Variants in RGS22 observed in about 807,000 individuals in gnomAD.
The protein encoded by RGS22 is regulator of G-protein signaling 22.
RGS22 carries 148 observed loss-of-function variants against 172.9 expected under a neutral mutation model. That is an observed-to-expected ratio of 0.86 (90% CI 0.75 to 0.98). The LOEUF is 0.98. RGS22 is among the 50% of genes least tolerant of loss of function. RGS22 has a pLI of 0.00. For synonymous variants in RGS22, 458 were observed against 480.2 expected, an observed-to-expected ratio of 0.95 and a Z score of 0.60; for missense variants, 1,347 against 1,440.8, an observed-to-expected ratio of 0.93 and a Z score of 1.05.
intron 14 of RGS22, among the ~76,000 whole-genome samples, chr8:100,032,403 A>T (rs1818919581): frequency 6.6e-6 from 1 of 152,150 alleles, no homozygotes; most frequent in South Asian, 2.1e-4. Flanking sequence ...ACCAACAAAG[A>T]TCAAAAGAGA....
At chr8:99,977,656 G>T (rs1005331692) in intron 23 of RGS22, among the ~76,000 whole-genome samples, 1 of 152,104 alleles carries the variant, frequency 6.6e-6, no homozygotes, top group African/African-American at 2.4e-5. Context: ...TCTACAAGGT[G>T]GAGGAACGTT....
intron 24 of RGS22, among the ~76,000 whole-genome samples, chr8:99,963,871 C>T (rs1433130673): frequency 6.6e-6 from 1 of 152,162 alleles, no homozygotes; most frequent in African/African-American, 2.4e-5. Context: ...AGGGCATCTA[C>T]ATTTACAAAA....
Position 100,095,690 on chromosome 8 carries a change from T to C in RGS22, c.55-2181A>G, listed in dbSNP as rs76224699. Among the ~76,000 whole-genome samples, 1,160 of 152,338 alleles carry C rather than the reference T, an allele frequency of 7.6e-3. 12 individuals carry two copies. Among genetic ancestry groups the C allele is most frequent in the African/African-American group, 0.027 (1,102 of 41,576 alleles). The stretch of plus-strand genomic sequence containing the variant: ...CTCAGCTCATCTCACTACAGACTGA[T>C]AAGAGTTCTCAGGTGGCAGCAGTAG... On this transcript the variant is annotated intron_variant, in intron 2 of 27. Transcript: ENST00000360863.
rs577230739 is a variant in RGS22 at position 100,058,183 on chromosome 8, A to C, written c.1514+4408T>G. ...TACACAGAGGAGACAAAAAAAAAAA[A>C]AAACAACAACAATAAAGCATGCCTA... On this transcript the variant is annotated intron_variant, in intron 9 of 27. Coordinates refer to ENST00000360863, the MANE Select transcript of RGS22 (RefSeq NM_015668.5). Among the ~76,000 whole-genome samples the C allele has an allele frequency of 1.4e-4, 22 of 151,918 alleles. No individual in the cohort carries two copies. The East Asian group carries it at 4.3e-3, about 29-fold the overall frequency.
At chr8:99,979,840 C>T (rs768237909) in intron 22 of RGS22, among the ~76,000 whole-genome samples, 29 of 152,164 alleles carry the variant, frequency 1.9e-4, no homozygotes, top group Non-Finnish European at 3.8e-4. Flanking sequence ...AGGTTACAGT[C>T]TAATGGGAAA....
intron 14 of RGS22, among the ~76,000 whole-genome samples, chr8:100,018,932 C>T (rs1486419355): frequency 6.6e-6 from 1 of 151,622 alleles, no homozygotes; most frequent in African/African-American, 2.4e-5. Flanking sequence ...GATAAACATA[C>T]CTGAGAAATG....
chr8:100,058,171 CAA>C (rs71512460), intron 9 of RGS22, among the ~76,000 whole-genome samples: 10 of 56,110 alleles, frequency 1.8e-4, no homozygotes, highest in African/African-American at 4.0e-4. Context: ...ACAGAGGAGA[CAA>C]AAAAAAAAAA....
At chr8:100,078,218 T>C (rs1811497694) in intron 4 of RGS22, among the ~76,000 whole-genome samples, 1 of 152,014 alleles carries the variant, frequency 6.6e-6, no homozygotes, top group Non-Finnish European at 1.5e-5. Flanking sequence ...TTAAATATCA[T>C]GTAATTATTG....
At chr8:99,964,337 C>T (rs1810504284) in intron 24 of RGS22, among the ~76,000 whole-genome samples, 1 of 151,834 alleles carries the variant, frequency 6.6e-6, no homozygotes, top group Non-Finnish European at 1.5e-5. Flanking sequence ...GCCTGTAGTC[C>T]CAGCTACTTG....
chr8:100,029,305 T>C (rs1818512966), intron 14 of RGS22, among the ~76,000 whole-genome samples: 1 of 152,164 alleles, frequency 6.6e-6, no homozygotes, highest in South Asian at 2.1e-4. Flanking sequence ...TGATGTGTGT[T>C]GCTTTAAGTC....
intron 14 of RGS22, among the ~76,000 whole-genome samples, chr8:100,035,222 A>G (rs1819309390): frequency 6.6e-6 from 1 of 152,224 alleles, no homozygotes; most frequent in South Asian, 2.1e-4. Flanking sequence ...ACAAAGGGCT[A>G]ATATCCAGAA....
rs919462516 is a variant in RGS22 at position 100,047,329 on chromosome 8, A to C, written c.1823+134T>G. Reference sequence around the variant, plus strand: ...TATTCATGCAAAGTATAAGCCTCTAATACATATCATTGAAAATTAAGAACC... The same window carrying C: ...TATTCATGCAAAGTATAAGCCTCTACTACATATCATTGAAAATTAAGAACC... On this transcript the variant is annotated intron_variant, in intron 11 of 27. Transcript: ENST00000360863. 12 of 728,550 alleles carry C rather than the reference A, an allele frequency of 1.6e-5. No individual in the cohort carries two copies. In the Admixed American group the frequency reaches 3.9e-4, roughly 24 times the overall value. The allele number at this position is 728,550 out of a possible 1,614,324, so 45.1% of individuals were successfully genotyped here. A position where few individuals can be genotyped will look rare whatever the true frequency, so the allele number is the denominator to read the frequency against.
intron 21 of RGS22, among the ~76,000 whole-genome samples, chr8:99,984,674 T>G (rs988030): frequency 0.099 from 15,058 of 152,106 alleles, 975 homozygotes; most frequent in African/African-American, 0.18. Flanking sequence ...TGATACTATA[T>G]GCTCTAACAG....
chr8:100,006,955 C>T (rs1194484637), intron 15 of RGS22, among the ~76,000 whole-genome samples: 1 of 151,734 alleles, frequency 6.6e-6, no homozygotes. Flanking sequence ...ACCATTGCAC[C>T]CTCTACGGCA....
chr8:100,084,128 C>T (rs564961408), intron 3 of RGS22, among the ~76,000 whole-genome samples: 4 of 152,278 alleles, frequency 2.6e-5, no homozygotes, highest in East Asian at 1.9e-4. Flanking sequence ...TGAGCCACCA[C>T]GCCCGGCCAC....
intron 1 of RGS22, 60 bp downstream of exon 1, chr8:100,105,837 C>G (rs946370835): frequency 2.1e-6 from 3 of 1,405,582 alleles, no homozygotes; most frequent in Admixed American, 4.8e-5. Context: ...CAGAGGCTGG[C>G]GCGTGGTGCG....
At chr8:99,978,339 T>C (rs1420147163) in intron 22 of RGS22, among the ~76,000 whole-genome samples, 3 of 152,150 alleles carry the variant, frequency 2.0e-5, no homozygotes, top group African/African-American at 7.2e-5. Context: ...CCCTAACCAA[T>C]TGATTGTATT....
intron 19 of RGS22, 105 bp downstream of exon 19, chr8:99,999,156 CT>C: frequency 1.0e-6 from 1 of 959,820 alleles, no homozygotes; most frequent in African/African-American, 1.7e-5. Flanking sequence ...GAGCCCATTC[CT>C]TAAAAAAAAA....
At position 99,982,214 on chromosome 8, in the gene RGS22, C is replaced by T. The variant is rs1812627918; in HGVS notation, c.3181-98G>A. The stretch of plus-strand genomic sequence containing the variant: ...TGTGTTTCAATTAATATATGCATTT[C>T]AACTTTAGGTCAAGAAGGCAGTGGG... On this transcript the variant is annotated intron_variant, in intron 21 of 27. Coordinates refer to ENST00000360863, the MANE Select transcript of RGS22 (RefSeq NM_015668.5). 3.3e-6 allele frequency: 3 copies of T among 922,330 alleles called. No individual in the cohort carries two copies. The East Asian group carries it at 8.9e-5, about 28-fold the overall frequency. The allele number at this position is 922,330 out of a possible 1,614,324, so 57.1% of individuals were successfully genotyped here. A position where few individuals can be genotyped will look rare whatever the true frequency, so the allele number is the denominator to read the frequency against.
Sources: allele counts gnomAD v4.1 joint callset (sites outside exome capture counted in the v4.1 genomes callset), GRCh38; gene constraint gnomAD v4.1.1; transcripts MANE v1.5; gene names NCBI Gene and HGNC (gene_info 2026-07-23, HGNC 2026-07-21).